Variants in ZNF48 observed in about 807,000 individuals in gnomAD.
The protein encoded by ZNF48 is zinc finger protein 553.
Under a neutral mutation model 40.0 loss-of-function variants are expected in ZNF48, and 20 were observed. The ratio of observed to expected loss-of-function variants is 0.50; its 90% CI spans 0.35 to 0.73. The LOEUF (loss-of-function observed/expected upper bound fraction) is 0.73, where lower values mean the gene tolerates loss of function less well. Ranked by LOEUF, ZNF48 falls within the 30% of genes least tolerant of loss-of-function variation. ZNF48 has a pLI of 0.01. For missense variants in ZNF48, 726 were observed against 851.9 expected, an observed-to-expected ratio of 0.85 and a Z score of 1.84; for synonymous variants, 298 against 329.7, an observed-to-expected ratio of 0.90 and a Z score of 1.04.
At position 30,397,969 on chromosome 16, in the gene ZNF48, G is replaced by A. The variant is rs755489550; in HGVS notation, c.719G>A (p.Arg240Gln). The A allele has an allele frequency of 1.2e-6, 2 of 1,613,958 alleles. No individual in the cohort carries two copies. Among genetic ancestry groups the A allele is most frequent in the Non-Finnish European group, 1.7e-6 (2 of 1,179,992 alleles). The change falls in exon 3 of 3, where the codon CGG becomes CAG. Residue 240 changes from arginine (R) to glutamine (Q), a missense_variant. By Grantham distance (43) the Arg-to-Gln change is conservative. Transcript: ENST00000613509. This position sits in a 1 kb window ranked among gnomAD's most constrained non-coding sequence, Gnocchi z 4.1. The part of the protein sequence containing the change: ...GDSSARIKHQ[R>Q]THRGEQPPRP... ...AGTTCCGCCCGCATCAAGCACCAGC[G>A]GACACACCGGGGGGAGCAGCCCCCC... is the stretch of plus-strand genomic sequence containing the variant.
chr16:30,385,896 T>C (rs1597012466), intron 1 of ZNF48, among the ~76,000 whole-genome samples: 2 of 151,012 alleles, frequency 1.3e-5, no homozygotes, highest in Non-Finnish European at 3.0e-5. Flanking sequence ...GAGGCTGAGG[T>C]GGGAGGATTG....
intron 1 of ZNF48, chr16:30,378,920 G>T: frequency 1.6e-6 from 2 of 1,251,950 alleles, no homozygotes; most frequent in Non-Finnish European, 2.2e-6. Context: ...TCTGAGTGGT[G>T]AAGGCGGAGT....
Position 30,395,953 on chromosome 16 carries a change from T to G in ZNF48, c.79+80T>G. ...GATGCTTGGCTGTGGCCGGCCGAGA[T>G]CCTGGAAGATCGGACGTGAGCTGTG... On this transcript the variant is annotated intron_variant, in intron 2 of 2. Transcript: ENST00000613509. The surrounding 1 kb of genome is among the most constrained non-coding windows in gnomAD (Gnocchi z 5.9). 7.4e-7 allele frequency: 1 copy of G among 1,354,888 alleles called. No homozygotes were observed. Among genetic ancestry groups the G allele is most frequent in the African/African-American group, 1.5e-5 (1 of 67,536 alleles). 83.9% of individuals were successfully genotyped at this position (1,354,888 alleles called of 1,614,324 possible).
chr16:30,387,382 C>G (rs2049910219), intron 1 of ZNF48, among the ~76,000 whole-genome samples: 1 of 147,598 alleles, frequency 6.8e-6, no homozygotes, highest in Non-Finnish European at 1.5e-5. Flanking sequence ...TGTTGAAATC[C>G]TGTCTCTACT....
At chr16:30,385,873 C>A (rs2151113478) in intron 1 of ZNF48, among the ~76,000 whole-genome samples, 1 of 152,104 alleles carries the variant, frequency 6.6e-6, no homozygotes, top group East Asian at 1.9e-4. Context: ...CGCCTGTAAT[C>A]CCAGTGCTTT....
intron 1 of ZNF48, chr16:30,379,087 T>C: frequency 6.2e-7 from 1 of 1,613,974 alleles, no homozygotes; most frequent in Non-Finnish European, 8.5e-7. Context: ...GTAGCCCTCG[T>C]AGAGCAGATC....
In ZNF48 at chr16:30,398,906, C is replaced by A; in HGVS notation, c.1656C>A (p.Phe552Leu). ...TGTGTGGCTTCTGTGGGAAGGAGTT[C>A]CCCCGGAGCTCAGATCTGGTCAAAC... ...PHVCGFCGKE[F>L]PRSSDLVKHR... Residue 552 changes from phenylalanine to leucine, a missense_variant, in exon 3 of 3, where the codon TTC becomes TTA. Around this residue, in one of 5 missense-constraint regions of ZNF48, gnomAD observed 166 missense variants for 163.6 expected, o/e 1.01. Coordinates refer to ENST00000613509, the MANE Select transcript of ZNF48 (RefSeq NM_001214909.2). This position sits in a 1 kb window ranked among gnomAD's most constrained non-coding sequence, Gnocchi z 6.6. The A allele has an allele frequency of 6.2e-7, 1 of 1,613,668 alleles. No homozygotes were observed. The highest frequency in any genetic ancestry group is 2.2e-5 in the East Asian group (1 of 44,852).
chr16:30,395,441 C>G lies in ZNF48; in HGVS notation c.-153C>G, dbSNP rs1191766851. ...CCGTCCCCGCCCCCGGTGGCCGCCC[C>G]CGGGACGCCTGGGTCCGAGCCCGCT... On this transcript the variant is annotated 5_prime_UTR_variant, in exon 1 of 3. Transcript: ENST00000613509. The surrounding 1 kb of genome is among the most constrained non-coding windows in gnomAD (Gnocchi z 5.9). 2.8e-6 allele frequency: 1 copy of G among 355,560 alleles called. No homozygotes were observed. The highest frequency in any genetic ancestry group is 5.5e-6 in the Non-Finnish European group (1 of 181,846). The allele number at this position is 355,560 out of a possible 1,614,324, so 22.0% of individuals were successfully genotyped here. A position where few individuals can be genotyped will look rare whatever the true frequency, so the allele number is the denominator to read the frequency against.
upstream of ZNF48, among the ~76,000 whole-genome samples, chr16:30,390,846 G>C (rs1046711646): frequency 4.6e-5 from 7 of 151,554 alleles, no homozygotes; most frequent in Non-Finnish European, 1.0e-4. Context: ...GGATGCTCTC[G>C]ATCTCCTGAC....
rs2050014988 is a variant in ZNF48, at chr16:30,398,543, A to G, written c.1293A>G (p.Pro431=). 1 of 1,606,806 alleles carries G rather than the reference A, an allele frequency of 6.2e-7. No individual in the cohort carries two copies. Among genetic ancestry groups the G allele is most frequent in the Middle Eastern group, 1.7e-4 (1 of 6,026 alleles). Residue 431 remains proline, a synonymous_variant, in exon 3 of 3, where the codon CCA becomes CCG. Transcript: ENST00000613509. The surrounding 1 kb of genome is among the most constrained non-coding windows in gnomAD (Gnocchi z 6.6). The part of the protein sequence containing the change: ...GEPFGLPGLE[P]EPGGPQAGEP... ...CTTTTGGCCTGCCTGGCTTGGAGCCAGAGCCTGGGGGCCCACAGGCTGGGG... is the reference window on the plus strand; with the variant it reads ...CTTTTGGCCTGCCTGGCTTGGAGCCGGAGCCTGGGGGCCCACAGGCTGGGG...
intron 1 of ZNF48, among the ~76,000 whole-genome samples, chr16:30,386,208 A>T (rs2049899283): frequency 6.6e-6 from 1 of 152,030 alleles, no homozygotes; most frequent in East Asian, 1.9e-4. Flanking sequence ...GAGCCCAGGA[A>T]TTTGAGGCTG....
chr16:30,395,650 C>T lies in ZNF48; in HGVS notation c.-16+72C>T, dbSNP rs2049976181. On this transcript the variant is annotated intron_variant, in intron 1 of 2. Transcript: ENST00000613509. This position sits in a 1 kb window ranked among gnomAD's most constrained non-coding sequence, Gnocchi z 5.9. ...GGCCGGCGGCGCGGGCAGGGGGCAC[C>T]GGGAGCCGCGCCCGTACCTGGGACC... 7.9e-6 allele frequency: 5 copies of T among 633,348 alleles called. No homozygotes were observed. Among genetic ancestry groups the T allele is most frequent in the Admixed American group, 1.0e-4 (2 of 19,852 alleles). 39.2% of individuals were successfully genotyped at this position (633,348 alleles called of 1,614,324 possible). A position where few individuals can be genotyped will look rare whatever the true frequency, so the allele number is the denominator to read the frequency against.
chr16:30,378,737 G>T, intron 1 of ZNF48: 1 of 1,585,650 alleles, frequency 6.3e-7, no homozygotes, highest in Non-Finnish European at 8.6e-7. Context: ...AATCAGGAGC[G>T]GGACCTGAGG....
chr16:30,380,202 A>G (rs1342485399), intron 1 of ZNF48: 2 of 455,886 alleles, frequency 4.4e-6, no homozygotes, highest in African/African-American at 2.0e-5. Context: ...ACAAAATCTC[A>G]GAGACATAGA....
chr16:30,394,943 G>GC, upstream of ZNF48: 1 of 214,514 alleles, frequency 4.7e-6, no homozygotes, highest in South Asian at 5.3e-5. Flanking sequence ...CCCCAGCCCA[G>GC]CCCCCATTCC....
In ZNF48 at chr16:30,399,034, T is replaced by C. The variant is rs776109886; in HGVS notation, c.1784T>C (p.Val595Ala). Residue 595 changes from valine (V) to alanine (A), a missense_variant, in exon 3 of 3, where the codon GTC (valine) becomes GCC (alanine). By Grantham distance (64) the Val-to-Ala change is moderately conservative. Coordinates refer to ENST00000613509, the MANE Select transcript of ZNF48 (RefSeq NM_001214909.2). The part of the protein sequence containing the change: ...ARIKHQRGHL[V>A]LTPFGIGDGR... ...ATCAAGCACCAGCGTGGGCACCTGG[T>C]CCTGACGCCCTTTGGGATAGGGGAT... is the stretch of plus-strand genomic sequence containing the variant. 2.5e-6 allele frequency: 4 copies of C among 1,613,460 alleles called. No individual in the cohort carries two copies. The highest frequency in any genetic ancestry group is 3.4e-6 in the Non-Finnish European group (4 of 1,179,712).
chr16:30,378,802 G>T (rs1418348603), intron 1 of ZNF48: 1 of 1,204,944 alleles, frequency 8.3e-7, no homozygotes. Context: ...TCTAGGAGGC[G>T]GAGCCAGTTC....
intron 1 of ZNF48, chr16:30,379,909 C>A (rs1430855882): frequency 7.5e-7 from 1 of 1,342,022 alleles, no homozygotes; most frequent in African/African-American, 1.4e-5. Flanking sequence ...GCCCGGCCTG[C>A]CTTCCTTCTT....
At chr16:30,378,385 A>G in exon 1 of ZNF48, 1 of 1,496,566 alleles carries the variant, frequency 6.7e-7, no homozygotes, top group Admixed American at 2.4e-5. Flanking sequence ...GGATTGGACA[A>G]GAGGCCGACT....
Sources: gnomAD v4.1 joint callset for allele counts (sites outside exome capture counted in the v4.1 genomes callset) on GRCh38, gnomAD v4.1.1 for gene constraint, gnomAD v4.1.1 regional missense constraint, Gnocchi (gnomAD v3.1) non-coding constraint, MANE v1.5 for transcripts, NCBI Gene and HGNC (gene_info 2026-07-23, HGNC 2026-07-21) for gene names.